The following C1QA variants were observed in gnomAD, a reference collection of about 807,000 sequenced individuals.
C1QA encodes the protein complement C1q A chain, also known as complement C1q subcomponent subunit A.
A neutral mutation model predicts 6.9 loss-of-function variants in C1QA; 3 were observed. That is an observed-to-expected ratio of 0.44 (90% CI 0.20 to 1.12). The LOEUF is 1.12. C1QA is among the 50% of genes most tolerant of loss of function. The probability of loss-of-function intolerance (pLI) is 0.27; values close to 1 mark genes in which losing one functional copy is unlikely to be tolerated. For missense variants in C1QA, 273 were observed against 326.6 expected, an observed-to-expected ratio of 0.84 and a Z score of 1.26; for synonymous variants, 128 against 134.1, an observed-to-expected ratio of 0.95 and a Z score of 0.31.
Position 22,639,516 on chromosome 1 carries a change from G to A in C1QA, c.*109G>A. 2.3e-6 allele frequency: 3 copies of A among 1,307,882 alleles called. No individual in the cohort carries two copies. The highest frequency in any genetic ancestry group is 1.5e-5 in the African/African-American group (1 of 68,290). The allele number at this position is 1,307,882 out of a possible 1,614,324, so 81.0% of individuals were successfully genotyped here. The stretch of plus-strand genomic sequence containing the variant: ...TGAAGGGAGGGGGCTGGCTCTGAGA[G>A]CCCCAGGACTGGCTGCCCCGTGACA... On this transcript the variant is annotated 3_prime_UTR_variant, in exon 3 of 3. Coordinates refer to ENST00000374642, the MANE Select transcript of C1QA (RefSeq NM_015991.4). The surrounding 1 kb of genome is among the most constrained non-coding windows in gnomAD (Gnocchi z 4.6).
At position 22,638,941 on chromosome 1, in the gene C1QA, T is replaced by TGGCAGGGGC; in HGVS notation, c.272_273insGGCAGGGGC (p.Leu91_Gly92insAlaGlyAla). On this transcript the variant is annotated inframe_insertion, in exon 3 of 3. Transcript: ENST00000374642. ...GGCTACCCAGGGCCCAGCGGCCCCC[T>TGGCAGGGGC]CGGAGCCCGTGGCATCCCGGGAATT... 2 of 1,600,786 alleles carry TGGCAGGGGC rather than the reference T, an allele frequency of 1.2e-6. No individual in the cohort carries two copies. The highest frequency in any genetic ancestry group is 1.7e-6 in the Non-Finnish European group (2 of 1,174,054).
rs201975189 is a variant in C1QA at position 22,637,597 on chromosome 1, C to G, written c.-7-13C>G. 5.6e-6 allele frequency: 9 copies of G among 1,613,530 alleles called. No individual in the cohort carries two copies. Among genetic ancestry groups the G allele is most frequent in the Non-Finnish European group, 7.6e-6 (9 of 1,179,830 alleles). The stretch of plus-strand genomic sequence containing the variant: ...GATGTCCAACCTGCCCAGGCCCTCC[C>G]GTGTCTCCACAGAGGCATCATGGAG... On this transcript the variant is annotated splice_polypyrimidine_tract_variant and intron_variant, in intron 1 of 2. Coordinates refer to ENST00000374642, the MANE Select transcript of C1QA (RefSeq NM_015991.4). This position sits in a 1 kb window ranked among gnomAD's most constrained non-coding sequence, Gnocchi z 4.4.
intron 2 of C1QA, 141 bp from the exon 3 acceptor site, chr1:22,638,692 C>T: frequency 1.0e-6 from 1 of 959,274 alleles, no homozygotes; most frequent in Non-Finnish European, 1.6e-6. Context: ...TGCCCAAAGT[C>T]ACACAGCCAA....
Position 22,638,834 on chromosome 1 carries a change from G to A in C1QA, c.165G>A (p.Gly55=). Residue 55 remains glycine (G), a splice_region_variant and synonymous_variant, in exon 3 of 3, where the codon GGG becomes GGA. Transcript: ENST00000374642. ...CCAATCTGGCATTTCTCCCCACAGG[G>A]GCCCCTGGCATCCGGACAGGCATCC... ...PGLKGEQGEP[G]APGIRTGIQG... 1.9e-6 allele frequency: 3 copies of A among 1,578,072 alleles called. No individual in the cohort carries two copies. Among genetic ancestry groups the A allele is most frequent in the Non-Finnish European group, 2.6e-6 (3 of 1,162,502 alleles).
In C1QA at chr1:22,639,470, G is replaced by A. The variant is rs1642234562; in HGVS notation, c.*63G>A. 1 of 1,575,198 alleles carries A rather than the reference G, an allele frequency of 6.3e-7. No homozygotes were observed. Among genetic ancestry groups the A allele is most frequent in the Non-Finnish European group, 8.6e-7 (1 of 1,158,900 alleles). On this transcript the variant is annotated 3_prime_UTR_variant, in exon 3 of 3. Coordinates refer to ENST00000374642, the MANE Select transcript of C1QA (RefSeq NM_015991.4). The surrounding 1 kb of genome is among the most constrained non-coding windows in gnomAD (Gnocchi z 4.6). ...CTTCCATGCTCCGCCTGTAAAATGG[G>A]GGCGCTATTGCTTCAGCTGCTGAAG...
Position 22,638,908 on chromosome 1 carries a change from G to A in C1QA, c.239G>A (p.Gly80Asp). 1 of 1,596,782 alleles carries A rather than the reference G, an allele frequency of 6.3e-7. No homozygotes were observed. Residue 80 changes from glycine to aspartate, a missense_variant, in exon 3 of 3, where the codon GGC becomes GAC. By Grantham distance (94) the Gly-to-Asp change is moderately conservative. Coordinates refer to ENST00000374642, the MANE Select transcript of C1QA (RefSeq NM_015991.4). ...QGEPGPSGNP[G>D]KVGYPGPSGP... is the part of the protein sequence containing the mutation. ...GAACCTGGGCCCTCTGGAAACCCCG[G>A]CAAGGTGGGCTACCCAGGGCCCAGC...
Position 22,639,205 on chromosome 1 carries a change from C to T in C1QA, c.536C>T (p.Ser179Leu). The change falls in exon 3 of 3, where the codon TCA becomes TTA. Residue 179 changes from serine (S) to leucine (L), a missense_variant. Physicochemically the swap from Ser to Leu is moderately radical, Grantham distance 145. Coordinates refer to ENST00000374642, the MANE Select transcript of C1QA (RefSeq NM_015991.4). The surrounding 1 kb of genome is among the most constrained non-coding windows in gnomAD (Gnocchi z 4.6). Reference protein sequence around the residue: ...WEICLSIVSSSRGQVRRSLGF... With the variant: ...WEICLSIVSSLRGQVRRSLGF... Reference sequence around the variant, plus strand: ...ATCTGCCTGTCCATCGTCTCCTCCTCAAGGGGCCAGGTCCGACGCTCCCTG... The same window carrying T: ...ATCTGCCTGTCCATCGTCTCCTCCTTAAGGGGCCAGGTCCGACGCTCCCTG... 1.9e-6 allele frequency: 3 copies of T among 1,614,246 alleles called. No homozygotes were observed. The South Asian group carries it at 3.3e-5, about 18-fold the overall frequency.
In C1QA at chr1:22,639,461, G is replaced by A. The variant is rs1053218427; in HGVS notation, c.*54G>A. 45 of 1,589,624 alleles carry A rather than the reference G, an allele frequency of 2.8e-5. No homozygotes were observed. The highest frequency in any genetic ancestry group is 3.9e-5 in the Non-Finnish European group (45 of 1,168,706). On this transcript the variant is annotated 3_prime_UTR_variant, in exon 3 of 3. Coordinates refer to ENST00000374642, the MANE Select transcript of C1QA (RefSeq NM_015991.4). This position sits in a 1 kb window ranked among gnomAD's most constrained non-coding sequence, Gnocchi z 4.6. ...CCTCTCTGGCTTCCATGCTCCGCCT[G>A]TAAAATGGGGGCGCTATTGCTTCAG...
intron 2 of C1QA, 149 bp from the exon 3 acceptor site, chr1:22,638,684 C>A: frequency 2.2e-6 from 2 of 898,324 alleles, no homozygotes; most frequent in Non-Finnish European, 3.6e-6. Context: ...GAGACACTTG[C>A]CCAAAGTCAC....
intron 2 of C1QA, 85 bp from the exon 3 acceptor site, chr1:22,638,748 C>G (rs889292116): frequency 3.4e-6 from 5 of 1,457,508 alleles, no homozygotes; most frequent in Non-Finnish European, 4.7e-6. Context: ...TGCCCTTTAT[C>G]CCATAGACTC....
Position 22,639,636 on chromosome 1 carries a change from T to C in C1QA, c.*229T>C. ...TGAGCTTCAGTTGCTACTCGGAGCA[T>C]TGAGAGGGAGGCCTAAGAATAATAA... On this transcript the variant is annotated 3_prime_UTR_variant, in exon 3 of 3. Transcript: ENST00000374642. This position sits in a 1 kb window ranked among gnomAD's most constrained non-coding sequence, Gnocchi z 4.6. 1.7e-6 allele frequency: 1 copy of C among 594,078 alleles called. No homozygotes were observed. Among genetic ancestry groups the C allele is most frequent in the Non-Finnish European group, 3.0e-6 (1 of 334,610 alleles). The allele number at this position is 594,078 out of a possible 1,614,324, so 36.8% of individuals were successfully genotyped here. A position where few individuals can be genotyped will look rare whatever the true frequency, so the allele number is the denominator to read the frequency against.
In C1QA at chr1:22,639,337, A is replaced by G. The variant is rs1159327810; in HGVS notation, c.668A>G (p.Lys223Arg). 7 of 1,614,040 alleles carry G rather than the reference A, an allele frequency of 4.3e-6. No individual in the cohort carries two copies. Among genetic ancestry groups the G allele is most frequent in the Non-Finnish European group, 5.9e-6 (7 of 1,179,996 alleles). ...DQVWVEKDPK[K>R]GHIYQGSEAD... ...GTCTGGGTTGAAAAAGACCCCAAAAAGGGTCACATTTACCAGGGCTCTGAG... is the reference window on the plus strand; with the variant it reads ...GTCTGGGTTGAAAAAGACCCCAAAAGGGGTCACATTTACCAGGGCTCTGAG... The change falls in exon 3 of 3, where the codon AAG (lysine) becomes AGG (arginine). Residue 223 changes from lysine (K) to arginine (R), a missense_variant. Lys to Arg is a conservative substitution (Grantham distance 26). Transcript: ENST00000374642. This position sits in a 1 kb window ranked among gnomAD's most constrained non-coding sequence, Gnocchi z 4.6.
chr1:22,639,353 G>A lies in C1QA; in HGVS notation c.684G>A (p.Gln228=). ...EKDPKKGHIY[Q]GSEADSVFSG... Reference sequence around the variant, plus strand: ...ACCCCAAAAAGGGTCACATTTACCAGGGCTCTGAGGCCGACAGCGTCTTCA... The same window carrying A: ...ACCCCAAAAAGGGTCACATTTACCAAGGCTCTGAGGCCGACAGCGTCTTCA... Residue 228 remains glutamine (Q), a synonymous_variant, in exon 3 of 3, where the codon CAG becomes CAA. Transcript: ENST00000374642. This position sits in a 1 kb window ranked among gnomAD's most constrained non-coding sequence, Gnocchi z 4.6. 1.9e-6 allele frequency: 3 copies of A among 1,614,102 alleles called. No individual in the cohort carries two copies. The highest frequency in any genetic ancestry group is 2.5e-6 in the Non-Finnish European group (3 of 1,180,036).
At position 22,639,553 on chromosome 1, in the gene C1QA, A is replaced by G. The variant is rs542889390; in HGVS notation, c.*146A>G. The G allele has an allele frequency of 9.4e-6, 8 of 852,376 alleles. No homozygotes were observed. The highest frequency in any genetic ancestry group is 2.6e-5 in the Admixed American group (1 of 38,232). The allele number at this position is 852,376 out of a possible 1,614,324, so 52.8% of individuals were successfully genotyped here. A position where few individuals can be genotyped will look rare whatever the true frequency, so the allele number is the denominator to read the frequency against. On this transcript the variant is annotated 3_prime_UTR_variant, in exon 3 of 3. Transcript: ENST00000374642. The surrounding 1 kb of genome is among the most constrained non-coding windows in gnomAD (Gnocchi z 4.6). ...GCTGCCCCGTGACACATGCTCTAAG[A>G]AGCTCGTTTCTTAGACCTCTTCCTG...
In C1QA at chr1:22,639,118, G is replaced by A. The variant is rs1261305713; in HGVS notation, c.449G>A (p.Arg150Gln). ...GAACCGTACCAGAACCACTCCGGCCGATTCGTCTGCACTGTACCCGGCTAC... is the reference window on the plus strand; with the variant it reads ...GAACCGTACCAGAACCACTCCGGCCAATTCGTCTGCACTGTACCCGGCTAC... ...QEEPYQNHSG[R>Q]FVCTVPGYYY... Residue 150 changes from arginine (R) to glutamine (Q), a missense_variant, in exon 3 of 3, where the codon CGA (arginine) becomes CAA (glutamine). Transcript: ENST00000374642. This position sits in a 1 kb window ranked among gnomAD's most constrained non-coding sequence, Gnocchi z 4.6. 1.9e-6 allele frequency: 3 copies of A among 1,614,132 alleles called. No homozygotes were observed. Among genetic ancestry groups the A allele is most frequent in the African/African-American group, 2.7e-5 (2 of 74,954 alleles).
intron 2 of C1QA, among the ~76,000 whole-genome samples, chr1:22,638,265 ACTTC>A (rs1313961465): frequency 6.6e-6 from 1 of 151,894 alleles, no homozygotes; most frequent in East Asian, 1.9e-4. Context: ...CTGTCCCTTC[ACTTC>A]CTTCCAGCAC....
rs571792988 is a variant in C1QA, at chr1:22,638,571, A to C, written c.164-262A>C. ...CCTCAGCCTTGGGCAGGAACACAGCAGAGCAGCCAGAGTTCCATGCATTTC... is the reference window on the plus strand; with the variant it reads ...CCTCAGCCTTGGGCAGGAACACAGCCGAGCAGCCAGAGTTCCATGCATTTC... On this transcript the variant is annotated intron_variant, in intron 2 of 2. Coordinates refer to ENST00000374642, the MANE Select transcript of C1QA (RefSeq NM_015991.4). Among the ~76,000 whole-genome samples, 70 of 152,332 alleles carry C rather than the reference A, an allele frequency of 4.6e-4. 2 individuals carry two copies. The South Asian group carries it at 0.01, about 23-fold the overall frequency.
chr1:22,639,473 C>G lies in C1QA; in HGVS notation c.*66C>G, dbSNP rs763585444. On this transcript the variant is annotated 3_prime_UTR_variant, in exon 3 of 3. Coordinates refer to ENST00000374642, the MANE Select transcript of C1QA (RefSeq NM_015991.4). The surrounding 1 kb of genome is among the most constrained non-coding windows in gnomAD (Gnocchi z 4.6). ...CCATGCTCCGCCTGTAAAATGGGGGCGCTATTGCTTCAGCTGCTGAAGGGA... is the reference window on the plus strand; with the variant it reads ...CCATGCTCCGCCTGTAAAATGGGGGGGCTATTGCTTCAGCTGCTGAAGGGA... 2.6e-6 allele frequency: 4 copies of G among 1,566,524 alleles called. No homozygotes were observed. The South Asian group carries it at 4.5e-5, about 18-fold the overall frequency.
rs1371363644 is a variant in C1QA, at chr1:22,637,718, G to A, written c.102G>A (p.Gly34=). 1 of 1,613,116 alleles carries A rather than the reference G, an allele frequency of 6.2e-7. No homozygotes were observed. The highest frequency in any genetic ancestry group is 8.5e-7 in the Non-Finnish European group (1 of 1,179,724). Residue 34 remains glycine (G), a synonymous_variant, in exon 2 of 3, where the codon GGG becomes GGA. Transcript: ENST00000374642. This position sits in a 1 kb window ranked among gnomAD's most constrained non-coding sequence, Gnocchi z 4.4. ...DLCRAPDGKK[G]EAGRPGRRGR... ...GCCGAGCACCAGACGGGAAGAAAGG[G>A]GAGGCAGGAAGACCTGGCAGACGGG...
Sources: gnomAD v4.1 joint callset for allele counts (sites outside exome capture counted in the v4.1 genomes callset) on GRCh38, gnomAD v4.1.1 for gene constraint, Gnocchi (gnomAD v3.1) non-coding constraint, MANE v1.5 for transcripts, NCBI Gene and HGNC (gene_info 2026-07-23, HGNC 2026-07-21) for gene names.